The following OXR1 variants were observed in gnomAD, a reference collection of about 807,000 sequenced individuals.
The protein encoded by OXR1 is oxidation resistance 1.
A neutral mutation model predicts 104.6 loss-of-function variants in OXR1; 41 were observed. That is an observed-to-expected ratio of 0.39 (90% CI 0.31 to 0.51). OXR1 has a LOEUF of 0.51. Ranked by LOEUF, OXR1 falls within the 20% of genes least tolerant of loss-of-function variation. The pLI is 0.77. For missense variants in OXR1, 955 were observed against 1,031.9 expected (o/e 0.93, Z 1.02); for synonymous variants, 348 against 348.4 (o/e 1.00, Z 0.01).
chr8:106,626,166 G>A (rs182522986), intron 3 of OXR1, among the ~76,000 whole-genome samples: 2 of 151,578 alleles, frequency 1.3e-5, no homozygotes, highest in Admixed American at 1.3e-4. Flanking sequence ...AAGCTATCAA[G>A]CCTACTTTTT....
intron 1 of OXR1, among the ~76,000 whole-genome samples, chr8:106,297,605 A>G (rs1485686696): frequency 6.6e-6 from 1 of 152,236 alleles, no homozygotes. Flanking sequence ...GAAAAGGTAT[A>G]GTAAAAACAC....
intron 1 of OXR1, among the ~76,000 whole-genome samples, chr8:106,302,868 C>T (rs1428136917): frequency 6.6e-6 from 1 of 151,666 alleles, no homozygotes; most frequent in Non-Finnish European, 1.5e-5. Flanking sequence ...TCTCCTGCCT[C>T]GGCCTCCCGA....
chr8:106,553,882 A>G (rs1816065037), intron 3 of OXR1, among the ~76,000 whole-genome samples: 1 of 152,206 alleles, frequency 6.6e-6, no homozygotes, highest in Non-Finnish European at 1.5e-5. Context: ...CTGATGGCCA[A>G]GTGAATATCC....
chr8:106,474,122 A>G (rs1237274126), intron 2 of OXR1, among the ~76,000 whole-genome samples: 1 of 150,260 alleles, frequency 6.7e-6, no homozygotes, highest in Non-Finnish European at 1.5e-5. Flanking sequence ...CGTAATCTAA[A>G]GTTTTGTTTT....
At chr8:106,446,955 G>A (rs1355847455) in intron 2 of OXR1, among the ~76,000 whole-genome samples, 1 of 152,048 alleles carries the variant, frequency 6.6e-6, no homozygotes, top group East Asian at 1.9e-4. Context: ...AAAAAACAAA[G>A]AAAGGAAACT....
chr8:106,421,256 G>C (rs867769981), intron 2 of OXR1, among the ~76,000 whole-genome samples: 9 of 152,160 alleles, frequency 5.9e-5, no homozygotes, highest in Admixed American at 1.3e-4. Context: ...TAGACCTCTT[G>C]ACATAATTCT....
chr8:106,383,662 C>T (rs563424357), intron 2 of OXR1, among the ~76,000 whole-genome samples: 1 of 152,296 alleles, frequency 6.6e-6, no homozygotes, highest in East Asian at 1.9e-4. Flanking sequence ...GAAACTCCAG[C>T]TTCACATAGC....
chr8:106,592,916 G>A (rs916544051), intron 3 of OXR1, among the ~76,000 whole-genome samples: 3 of 152,080 alleles, frequency 2.0e-5, no homozygotes, highest in East Asian at 3.8e-4. Context: ...TTGCATAAAC[G>A]CTAGCAATAC....
chr8:106,540,700 A>G (rs912534283), intron 3 of OXR1, among the ~76,000 whole-genome samples: 3 of 152,206 alleles, frequency 2.0e-5, no homozygotes, highest in Admixed American at 1.3e-4. Flanking sequence ...TCAGAGTTCC[A>G]CGTGGCTGGG....
Position 106,383,863 on chromosome 8 carries a change from A to G in OXR1, c.23+24227A>G, listed in dbSNP as rs74353723. On this transcript the variant is annotated intron_variant, in intron 2 of 16. Coordinates refer to ENST00000517566, the MANE Select transcript of OXR1 (RefSeq NM_001198533.2). ...GGATTAAAAAAATCACCACAAAATT[A>G]TAGAATGAGAAAAACTTGGCATAAT... is the stretch of plus-strand genomic sequence containing the variant. Among the ~76,000 whole-genome samples the G allele has an allele frequency of 9.4e-3, 1,432 of 152,326 alleles. 21 individuals carry two copies. Among genetic ancestry groups the G allele is most frequent in the African/African-American group, 0.032 (1,320 of 41,566 alleles).
rs935578883 is a variant in OXR1 at position 106,630,260 on chromosome 8, C to T, written c.221-48950C>T. Among the ~76,000 whole-genome samples the T allele has an allele frequency of 5.3e-5, 8 of 152,250 alleles. No individual in the cohort carries two copies. The East Asian group carries it at 1.5e-3, about 29-fold the overall frequency. ...GGGATAATGTTACTTACTGTCCTTC[C>T]CCTCAAGGTTGTTGCAGAGATGAAT... On this transcript the variant is annotated intron_variant, in intron 3 of 16. Coordinates refer to ENST00000517566, the MANE Select transcript of OXR1 (RefSeq NM_001198533.2).
chr8:106,671,151 C>CAA (rs35468140), intron 3 of OXR1, among the ~76,000 whole-genome samples: 92 of 114,556 alleles, frequency 8.0e-4, no homozygotes, highest in Non-Finnish European at 5.6e-4. Flanking sequence ...ACACCAAAGG[C>CAA]AAAAAAAAAA....
At chr8:106,735,158 G>A (rs973663031) in intron 11 of OXR1, among the ~76,000 whole-genome samples, 1 of 151,674 alleles carries the variant, frequency 6.6e-6, no homozygotes, top group Non-Finnish European at 1.5e-5. Flanking sequence ...TTTGAGAGAA[G>A]GAAGTATATT....
At chr8:106,524,272 G>T (rs1813486330) in intron 3 of OXR1, among the ~76,000 whole-genome samples, 1 of 152,120 alleles carries the variant, frequency 6.6e-6, no homozygotes, top group South Asian at 2.1e-4. Flanking sequence ...CTACATATAA[G>T]GACTTCTGAA....
chr8:106,526,943 G>A (rs1262020078), intron 3 of OXR1, among the ~76,000 whole-genome samples: 2 of 152,158 alleles, frequency 1.3e-5, no homozygotes, highest in Non-Finnish European at 2.9e-5. Context: ...GGCCATGAAA[G>A]CTGTGTAGTC....
At chr8:106,506,440 C>A (rs185870362) in intron 2 of OXR1, among the ~76,000 whole-genome samples, 1 of 151,974 alleles carries the variant, frequency 6.6e-6, no homozygotes, top group Non-Finnish European at 1.5e-5. Flanking sequence ...GGTGAAACCC[C>A]GTCTCTACTA....
At chr8:106,424,053 T>C (rs2154668) in intron 2 of OXR1, among the ~76,000 whole-genome samples, 80,616 of 152,006 alleles carry the variant, frequency 0.53, 24,465 homozygotes, top group African/African-American at 0.83. Context: ...TCTTCTGCCT[T>C]AGCCTCCCAA....
chr8:106,721,665 A>C (rs1392112704), intron 11 of OXR1, among the ~76,000 whole-genome samples: 1 of 152,226 alleles, frequency 6.6e-6, no homozygotes, highest in Non-Finnish European at 1.5e-5. Flanking sequence ...TTATTTAAGT[A>C]TAAATGTAAA....
chr8:106,608,638 G>T (rs1820581647), intron 3 of OXR1, among the ~76,000 whole-genome samples: 2 of 152,114 alleles, frequency 1.3e-5, no homozygotes, highest in Admixed American at 6.5e-5. Flanking sequence ...GAGCTCTTGT[G>T]GAGGTAAATA....
Sources: allele counts gnomAD v4.1 joint callset (sites outside exome capture counted in the v4.1 genomes callset), GRCh38; gene constraint gnomAD v4.1.1; transcripts MANE v1.5; gene names NCBI Gene and HGNC (gene_info 2026-07-23, HGNC 2026-07-21).